The following SH3D19 variants were observed in gnomAD, a reference collection of about 807,000 sequenced individuals.
The protein encoded by SH3D19 is SH3 domain containing 19.
Under a neutral mutation model 112.1 loss-of-function variants are expected in SH3D19, and 58 were observed. That is an observed-to-expected ratio of 0.52 (90% CI 0.42 to 0.64). SH3D19 has a LOEUF of 0.64. Ranked by LOEUF, SH3D19 falls within the 30% of genes least tolerant of loss-of-function variation. The pLI, the probability that SH3D19 is intolerant of heterozygous loss-of-function variation, is 0.00. For synonymous variants in SH3D19, 391 were observed against 448.5 expected (o/e 0.87, Z 1.62); for missense variants, 1,090 against 1,263.4 (o/e 0.86, Z 2.08).
chr4:151,275,588 C>T (rs1463946518), intron 1 of SH3D19, among the ~76,000 whole-genome samples: 1 of 152,118 alleles, frequency 6.6e-6, no homozygotes, highest in Non-Finnish European at 1.5e-5. Context: ...GTGGTACAGT[C>T]ATAGCTCATG....
intron 9 of SH3D19, among the ~76,000 whole-genome samples, 155 bp downstream of exon 9, chr4:151,159,085 A>C (rs1756684333): frequency 6.6e-6 from 1 of 152,216 alleles, no homozygotes; most frequent in Non-Finnish European, 1.5e-5. Flanking sequence ...TGAACACTAT[A>C]TTATATAAGT....
intron 3 of SH3D19, among the ~76,000 whole-genome samples, chr4:151,182,986 C>T (rs1216211089): frequency 6.9e-6 from 1 of 145,492 alleles, no homozygotes; most frequent in African/African-American, 2.6e-5. Flanking sequence ...TATTTTCAAA[C>T]TTTTTCTTTT....
intron 1 of SH3D19, among the ~76,000 whole-genome samples, chr4:151,250,139 C>A (rs10857257): frequency 0.33 from 49,591 of 151,684 alleles, 9,348 homozygotes; most frequent in Non-Finnish European, 0.44. Context: ...TTTAATACTT[C>A]CACATCAAAC....
chr4:151,140,676 C>T (rs1166216750), intron 12 of SH3D19: 1 of 152,222 alleles, frequency 6.6e-6, no homozygotes, highest in African/African-American at 2.4e-5. Flanking sequence ...TAACTTAACA[C>T]TCTTCAACAC....
intron 2 of SH3D19, among the ~76,000 whole-genome samples, chr4:151,201,900 T>C (rs1443799854): frequency 2.0e-5 from 3 of 149,772 alleles, no homozygotes. Flanking sequence ...TAATCTCAGA[T>C]AATGGAGAGG....
At chr4:151,307,560 G>A (rs548851565) in intron 1 of SH3D19, among the ~76,000 whole-genome samples, 2 of 152,240 alleles carry the variant, frequency 1.3e-5, no homozygotes, top group Non-Finnish European at 2.9e-5. Flanking sequence ...CGCAGGGCCT[G>A]ACAAAGGGCA....
At chr4:151,224,541 G>C (rs1372889434) in intron 2 of SH3D19, among the ~76,000 whole-genome samples, 1 of 151,996 alleles carries the variant, frequency 6.6e-6, no homozygotes. Context: ...CATTCTAAGG[G>C]TTTCCATTTG....
At chr4:151,245,146 A>AAAAATAAAAT (rs200539581) in intron 1 of SH3D19, among the ~76,000 whole-genome samples, 5,675 of 149,982 alleles carry the variant, frequency 0.038, 172 homozygotes, top group Non-Finnish European at 0.063. Context: ...TCCATCTCAA[A>AAAAATAAAAT]AAAATAAAAT....
chr4:151,216,569 GA>G (rs1460237564), intron 2 of SH3D19, among the ~76,000 whole-genome samples: 2 of 152,084 alleles, frequency 1.3e-5, no homozygotes, highest in African/African-American at 2.4e-5. Context: ...GAATTAGGAT[GA>G]AAAAAATTTA....
chr4:151,192,642 A>C (rs1762831065), intron 2 of SH3D19, among the ~76,000 whole-genome samples: 1 of 152,230 alleles, frequency 6.6e-6, no homozygotes, highest in Non-Finnish European at 1.5e-5. Context: ...CATACTTCTC[A>C]TATACCCAAT....
intron 19 of SH3D19, among the ~76,000 whole-genome samples, chr4:151,122,432 A>AT (rs1158251788): frequency 6.6e-6 from 1 of 151,574 alleles, no homozygotes; most frequent in Non-Finnish European, 1.5e-5. Context: ...CTGCACTTTG[A>AT]TTTTCCCTCT....
intron 15 of SH3D19, among the ~76,000 whole-genome samples, chr4:151,134,469 C>CA (rs1751405594): frequency 6.6e-6 from 1 of 152,164 alleles, no homozygotes; most frequent in African/African-American, 2.4e-5. Flanking sequence ...CTCTTAAAAA[C>CA]AAAAACATAC....
At chr4:151,139,199 G>A (rs1328259857) in intron 13 of SH3D19, among the ~76,000 whole-genome samples, 2 of 151,418 alleles carry the variant, frequency 1.3e-5, no homozygotes, top group African/African-American at 2.4e-5. Flanking sequence ...TGTCCCTCGG[G>A]CCGGAGTGCA....
chr4:151,209,858 T>G (rs917909642), intron 2 of SH3D19, among the ~76,000 whole-genome samples: 3 of 152,164 alleles, frequency 2.0e-5, no homozygotes, highest in African/African-American at 7.2e-5. Context: ...AAGACCCCTT[T>G]TGGAAAGTGC....
chr4:151,286,983 AAT>A (rs1261186540), intron 1 of SH3D19, among the ~76,000 whole-genome samples: 12 of 55,632 alleles, frequency 2.2e-4, no homozygotes, highest in African/African-American at 4.6e-4. Flanking sequence ...CTGTCTCAAA[AAT>A]AATAATAATA....
chr4:151,275,929 G>A (rs371068568), intron 1 of SH3D19, among the ~76,000 whole-genome samples: 25 of 141,984 alleles, frequency 1.8e-4, no homozygotes, highest in African/African-American at 6.2e-4. Flanking sequence ...TGCAACCTCC[G>A]CCTCCCGGGT....
At chr4:151,282,762 G>C (rs1040864802) in intron 1 of SH3D19, among the ~76,000 whole-genome samples, 2 of 151,260 alleles carry the variant, frequency 1.3e-5, no homozygotes, top group Non-Finnish European at 2.9e-5. Flanking sequence ...TCTTTCCCAG[G>C]TTGGAGTAGA....
intron 16 of SH3D19, 30 bp downstream of exon 16, chr4:151,132,999 GACATA>G (rs767737562): frequency 6.6e-7 from 1 of 1,523,588 alleles, no homozygotes; most frequent in Non-Finnish European, 9.0e-7. Flanking sequence ...TTTGAATTAG[GACATA>G]ACATAATAAA....
chr4:151,248,662 CAA>C (rs1461438344), intron 1 of SH3D19, among the ~76,000 whole-genome samples: 1 of 152,116 alleles, frequency 6.6e-6, no homozygotes, highest in Non-Finnish European at 1.5e-5. Context: ...CAACAGAAAG[CAA>C]ACTCTTGGAG....
Sources: allele counts gnomAD v4.1 joint callset (sites outside exome capture counted in the v4.1 genomes callset), GRCh38; gene constraint gnomAD v4.1.1; transcripts MANE v1.5; gene names NCBI Gene and HGNC (gene_info 2026-07-23, HGNC 2026-07-21).